SHROOM3: variants seen among roughly 807,000 people sequenced by gnomAD.
SHROOM3 encodes shroom family member 3.
Under a neutral mutation model 138.6 loss-of-function variants are expected in SHROOM3, and 47 were observed. The ratio of observed to expected loss-of-function variants is 0.34; its 90% CI spans 0.27 to 0.43. SHROOM3 has a LOEUF of 0.43. Ranked by LOEUF, SHROOM3 falls within the 20% of genes least tolerant of loss-of-function variation. The pLI is 1.00. For synonymous variants in SHROOM3, 1,062 were observed against 1,063.3 expected, an observed-to-expected ratio of 1.00 and a Z score of 0.02; for missense variants, 2,491 against 2,596.5, an observed-to-expected ratio of 0.96 and a Z score of 0.88.
rs557419795 is a variant in SHROOM3, at chr4:76,619,329, G to A, written c.323+63566G>A. ...TCTGCTGGATTCTCTGTGGAGCCCC[G>A]TGATCACAGTGCTGAGTCCCTGTGT... is the stretch of plus-strand genomic sequence containing the variant. On this transcript the variant is annotated intron_variant, in intron 2 of 10. Coordinates refer to ENST00000296043, the MANE Select transcript of SHROOM3 (RefSeq NM_020859.4). Among the ~76,000 whole-genome samples the A allele has an allele frequency of 3.6e-4, 55 of 152,226 alleles. 2 individuals carry two copies. In the South Asian group the frequency reaches 0.011, roughly 29 times the overall value.
chr4:76,476,723 A>G (rs987494500), intron 1 of SHROOM3, among the ~76,000 whole-genome samples: 1 of 152,198 alleles, frequency 6.6e-6, no homozygotes, highest in South Asian at 2.1e-4. Flanking sequence ...GCACATGACT[A>G]AGAATTAGAA....
intron 3 of SHROOM3, among the ~76,000 whole-genome samples, chr4:76,728,693 C>T (rs1720780960): frequency 1.3e-5 from 2 of 152,162 alleles, no homozygotes; most frequent in South Asian, 4.1e-4. Context: ...CCTTTTGTTC[C>T]TTTATAGTTT....
At chr4:76,491,721 C>T (rs1235848431) in intron 1 of SHROOM3, among the ~76,000 whole-genome samples, 1 of 152,116 alleles carries the variant, frequency 6.6e-6, no homozygotes, top group Non-Finnish European at 1.5e-5. Context: ...GTCTGCCTCT[C>T]TTATGTGAAA....
intron 10 of SHROOM3, among the ~76,000 whole-genome samples, chr4:76,775,727 C>CATATATACACATACTAT (rs545879860): frequency 4.0e-5 from 6 of 150,466 alleles, no homozygotes; most frequent in Non-Finnish European, 8.9e-5. Flanking sequence ...TGTATATACA[C>CATATATACACATACTAT]ATATATACAC....
chr4:76,606,995 CTGTGTG>C (rs142329345), intron 2 of SHROOM3, among the ~76,000 whole-genome samples: 1 of 150,994 alleles, frequency 6.6e-6, no homozygotes, highest in Non-Finnish European at 1.5e-5. Flanking sequence ...TGTTCAAAAA[CTGTGTG>C]TGTGTGTGTG....
intron 2 of SHROOM3, among the ~76,000 whole-genome samples, chr4:76,687,989 G>A (rs185305342): frequency 6.6e-6 from 1 of 152,270 alleles, no homozygotes; most frequent in Admixed American, 6.5e-5. Flanking sequence ...TCCCCCCCAC[G>A]CGCAATGGCA....
intron 3 of SHROOM3, among the ~76,000 whole-genome samples, chr4:76,723,320 TC>T (rs1194934684): frequency 3.3e-5 from 5 of 152,188 alleles, no homozygotes; most frequent in Admixed American, 6.5e-5. Context: ...CTGGCTATAC[TC>T]TCTTGTATTC....
chr4:76,547,932 A>AACACACACATACACAC (rs1733259204), intron 1 of SHROOM3, among the ~76,000 whole-genome samples: 1 of 146,074 alleles, frequency 6.8e-6, no homozygotes, highest in Non-Finnish European at 1.5e-5. Flanking sequence ...CCTGTCTCAA[A>AACACACACATACACAC]ACACACACAC....
At chr4:76,549,395 G>A (rs1053324974) in intron 1 of SHROOM3, among the ~76,000 whole-genome samples, 1 of 151,088 alleles carries the variant, frequency 6.6e-6, no homozygotes, top group Non-Finnish European at 1.5e-5. Context: ...TTGAGATGGC[G>A]TCTCGCTCTG....
rs1354060386 is a variant in SHROOM3, at chr4:76,740,190, A to G, written c.2017A>G (p.Arg673Gly). The stretch of plus-strand genomic sequence containing the variant: ...TCTCCAGAACATTCCTGAGAGTCTG[A>G]GAAGACACAGCAGCCTGGAGCTAGG... ...SSLQNIPESLRRHSSLELGRG... is the reference protein window; with the variant it reads ...SSLQNIPESLGRHSSLELGRG... The change falls in exon 5 of 11, where the codon AGA becomes GGA. Residue 673 changes from arginine to glycine, a missense_variant. Arg to Gly is a moderately radical substitution (Grantham distance 125). Coordinates refer to ENST00000296043, the MANE Select transcript of SHROOM3 (RefSeq NM_020859.4). This position sits in a 1 kb window ranked among gnomAD's most constrained non-coding sequence, Gnocchi z 4.0. 6.2e-7 allele frequency: 1 copy of G among 1,613,814 alleles called. No homozygotes were observed. The highest frequency in any genetic ancestry group is 8.5e-7 in the Non-Finnish European group (1 of 1,180,032).
In SHROOM3 at chr4:76,675,063, C is replaced by T. The variant is rs1001837705; in HGVS notation, c.324-35093C>T. Among the ~76,000 whole-genome samples, 3 of 152,156 alleles carry T rather than the reference C, an allele frequency of 2.0e-5. No homozygotes were observed. The South Asian group carries it at 6.2e-4, about 32-fold the overall frequency. ...TATAAATAATGGGCTTAGACAGTTT[C>T]CTCTGGGTATGCTTTTAGGTTCTGT... On this transcript the variant is annotated intron_variant, in intron 2 of 10. Coordinates refer to ENST00000296043, the MANE Select transcript of SHROOM3 (RefSeq NM_020859.4).
At chr4:76,763,884 C>T (rs1722066518) in intron 9 of SHROOM3, among the ~76,000 whole-genome samples, 1 of 152,212 alleles carries the variant, frequency 6.6e-6, no homozygotes, top group East Asian at 1.9e-4. Context: ...CAGCAAAATG[C>T]AGTTTTCTTC....
rs760082078 is a variant in SHROOM3 at position 76,740,238 on chromosome 4, C to G, written c.2065C>G (p.Pro689Ala). The change falls in exon 5 of 11, where the codon CCC becomes GCC. Residue 689 changes from proline (P) to alanine (A), a missense_variant. This residue lies in a region of SHROOM3 where 1,733 missense variants were observed against 1,661.6 expected (regional missense o/e 1.04). Coordinates refer to ENST00000296043, the MANE Select transcript of SHROOM3 (RefSeq NM_020859.4). This position sits in a 1 kb window ranked among gnomAD's most constrained non-coding sequence, Gnocchi z 4.0. Reference sequence around the variant, plus strand: ...AGGCCGGGGAACCCAGGAGGGTTACCCCGGGGGCAGGCCCACCTGTGCAGT... The same window carrying G: ...AGGCCGGGGAACCCAGGAGGGTTACGCCGGGGGCAGGCCCACCTGTGCAGT... ...ELGRGTQEGYPGGRPTCAVNT... is the reference protein window; with the variant it reads ...ELGRGTQEGYAGGRPTCAVNT... 4 of 1,613,328 alleles carry G rather than the reference C, an allele frequency of 2.5e-6. No homozygotes were observed. Among genetic ancestry groups the G allele is most frequent in the Non-Finnish European group, 2.5e-6 (3 of 1,180,036 alleles).
chr4:76,474,679 C>T (rs1731444847), intron 1 of SHROOM3, among the ~76,000 whole-genome samples: 1 of 152,140 alleles, frequency 6.6e-6, no homozygotes, highest in Admixed American at 6.5e-5. Context: ...CTTTGGGAGG[C>T]TGAGGCAGGT....
At chr4:76,742,368 A>G (rs1470783971) in intron 5 of SHROOM3, among the ~76,000 whole-genome samples, 1 of 151,850 alleles carries the variant, frequency 6.6e-6, no homozygotes, top group Non-Finnish European at 1.5e-5. Context: ...ATTGACATTG[A>G]TAGTCATTGG....
At chr4:76,671,277 C>T (rs930031125) in intron 2 of SHROOM3, among the ~76,000 whole-genome samples, 2 of 152,250 alleles carry the variant, frequency 1.3e-5, no homozygotes, top group Admixed American at 6.5e-5. Flanking sequence ...CCTTGCCCCA[C>T]TCCATCAGTG....
chr4:76,688,647 CTT>C lies in SHROOM3; in HGVS notation c.324-21508_324-21507del, dbSNP rs1299436764. ...GAAGAACCTTTGAAGAAAGATGAAA[CTT>C]AAACTAGCACCATCCCTTCCTTTAG... On this transcript the variant is annotated intron_variant, in intron 2 of 10. Coordinates refer to ENST00000296043, the MANE Select transcript of SHROOM3 (RefSeq NM_020859.4). The C allele has an allele frequency of 4.1e-6, 4 of 985,308 alleles. No individual in the cohort carries two copies. In the Admixed American group the frequency reaches 2.5e-4, roughly 61 times the overall value. 61.0% of individuals were successfully genotyped at this position (985,308 alleles called of 1,614,324 possible).
chr4:76,484,018 G>A (rs1028538970), intron 1 of SHROOM3, among the ~76,000 whole-genome samples: 12 of 152,124 alleles, frequency 7.9e-5, no homozygotes, highest in African/African-American at 2.4e-4. Flanking sequence ...GGGAGGGATA[G>A]CATTAGGAGA....
chr4:76,742,062 G>A, intron 5 of SHROOM3, 136 bp downstream of exon 5: 1 of 1,169,896 alleles, frequency 8.5e-7, no homozygotes, highest in Non-Finnish European at 1.2e-6. Flanking sequence ...AGTAGCATTT[G>A]TTTTCATGAG....
Sources: allele counts gnomAD v4.1 joint callset (sites outside exome capture counted in the v4.1 genomes callset), GRCh38; gene constraint gnomAD v4.1.1; regional missense constraint gnomAD v4.1.1; non-coding constraint Gnocchi (gnomAD v3.1); transcripts MANE v1.5; gene names NCBI Gene and HGNC (gene_info 2026-07-23, HGNC 2026-07-21).